DENND4A: variants seen among roughly 807,000 people sequenced by gnomAD.
DENND4A encodes DENN domain containing 4A.
A neutral mutation model predicts 199.3 loss-of-function variants in DENND4A; 70 were observed. The ratio of observed to expected loss-of-function variants is 0.35; its 90% CI spans 0.29 to 0.43. The LOEUF (loss-of-function observed/expected upper bound fraction) is 0.43. Among genes scored for constraint, DENND4A ranks in the 20% least tolerant of loss-of-function variants. The probability of loss-of-function intolerance (pLI) is 1.00; values close to 1 mark genes in which losing one functional copy is unlikely to be tolerated. For missense variants in DENND4A, 1,723 were observed against 2,255.8 expected, an observed-to-expected ratio of 0.76 and a Z score of 4.78; for synonymous variants, 686 against 766.9, an observed-to-expected ratio of 0.89 and a Z score of 1.74.
rs745730918 is a variant in DENND4A, at chr15:65,738,839, G to A, written c.668C>T (p.Ser223Leu). ...ICRYPQEDYE[S>L]FSLPESVPLF... is the part of the protein sequence containing the mutation. ...AGGAACAGATTCCGGTAGTGAGAAT[G>A]ACTCATAATCTTCTTGAGGATATCT... The change falls in exon 6 of 33, where the codon TCA (serine) becomes TTA (leucine). Residue 223 changes from serine (S) to leucine (L), a missense_variant. Physicochemically the swap from Ser to Leu is moderately radical, Grantham distance 145. Around this residue, in one of 6 missense-constraint regions of DENND4A, gnomAD observed 725 missense variants for 952.9 expected, o/e 0.76. Transcript: ENST00000443035. 21 of 1,607,012 alleles carry A rather than the reference G, an allele frequency of 1.3e-5. No individual in the cohort carries two copies. The highest frequency in any genetic ancestry group is 1.7e-5 in the Non-Finnish European group (20 of 1,177,342).
chr15:65,773,930 A>G (rs192733040), intron 1 of DENND4A, among the ~76,000 whole-genome samples: 9 of 152,166 alleles, frequency 5.9e-5, no homozygotes, highest in South Asian at 2.1e-4. Flanking sequence ...TGAGTGGATA[A>G]AGGAATTGAA....
intron 11 of DENND4A, chr15:65,727,796 A>T (rs2075847105): frequency 1.0e-5 from 4 of 388,384 alleles, no homozygotes; most frequent in African/African-American, 4.3e-5. Flanking sequence ...GATTAAATTT[A>T]AAATAAGGGA....
chr15:65,764,270 G>GA (rs2076925485), intron 1 of DENND4A, among the ~76,000 whole-genome samples: 1 of 152,120 alleles, frequency 6.6e-6, no homozygotes, highest in African/African-American at 2.4e-5. Context: ...GGTCAAGGCA[G>GA]AAAAATCACT....
At chr15:65,756,546 GAACAA>G (rs2076705484) in intron 2 of DENND4A, 74 bp from the exon 3 acceptor site, 1 of 1,148,004 alleles carries the variant, frequency 8.7e-7, no homozygotes, top group African/African-American at 1.6e-5. Flanking sequence ...GTGCAAATAA[GAACAA>G]AAAACTACAA....
intron 20 of DENND4A, among the ~76,000 whole-genome samples, chr15:65,698,995 C>T (rs1043947262): frequency 8.6e-5 from 13 of 151,970 alleles, no homozygotes; most frequent in Non-Finnish European, 1.6e-4. Flanking sequence ...GCCTTGGCCT[C>T]CCAAAATGCT....
rs777499447 is a variant in DENND4A, at chr15:65,752,442, G to T, written c.498C>A (p.Pro166=). Residue 166 remains proline, a synonymous_variant, in exon 4 of 33, where the codon CCC becomes CCA. Coordinates refer to ENST00000443035, the MANE Select transcript of DENND4A (RefSeq NM_001320835.1). ...TGTGTGGTGGGCTTTCTCCTTTACTGGGTATAATAATACATATGTCAGTGA... is the reference window on the plus strand; with the variant it reads ...TGTGTGGTGGGCTTTCTCCTTTACTTGGTATAATAATACATATGTCAGTGA... ...LAVTDICIII[P]SKGESPPHTF... is the part of the protein sequence containing the mutation. 6.2e-7 allele frequency: 1 copy of T among 1,613,594 alleles called. No homozygotes were observed. Among genetic ancestry groups the T allele is most frequent in the Non-Finnish European group, 8.5e-7 (1 of 1,179,762 alleles).
intron 2 of DENND4A, among the ~76,000 whole-genome samples, chr15:65,760,088 A>G (rs2076814059): frequency 6.6e-6 from 1 of 152,238 alleles, no homozygotes; most frequent in South Asian, 2.1e-4. Flanking sequence ...ATTTTATATT[A>G]TAAGCTCTAA....
intron 2 of DENND4A, among the ~76,000 whole-genome samples, chr15:65,760,899 G>A (rs1215930748): frequency 6.6e-6 from 1 of 151,938 alleles, no homozygotes; most frequent in Non-Finnish European, 1.5e-5. Context: ...CAAAAAAAAA[G>A]CGGAAACAGA....
intron 23 of DENND4A, among the ~76,000 whole-genome samples, chr15:65,685,487 T>A (rs2076744105): frequency 6.6e-6 from 1 of 152,226 alleles, no homozygotes; most frequent in South Asian, 2.1e-4. Flanking sequence ...AATGCTTGTA[T>A]ATAAGTTGAG....
chr15:65,790,848 C>A (rs2077697991), intron 1 of DENND4A, among the ~76,000 whole-genome samples: 1 of 152,114 alleles, frequency 6.6e-6, no homozygotes, highest in Admixed American at 6.5e-5. Flanking sequence ...AATCTTAGGT[C>A]CCCCAGAATA....
chr15:65,761,976 C>T (rs916577757), intron 1 of DENND4A, among the ~76,000 whole-genome samples: 5 of 152,156 alleles, frequency 3.3e-5, no homozygotes, highest in Non-Finnish European at 1.5e-5. Flanking sequence ...CACATCCATA[C>T]CATGGATTGA....
At position 65,706,141 on chromosome 15, in the gene DENND4A, T is replaced by A; in HGVS notation, c.2037A>T (p.Pro679=). The A allele has an allele frequency of 6.2e-7, 1 of 1,608,094 alleles. No homozygotes were observed. The highest frequency in any genetic ancestry group is 8.5e-7 in the Non-Finnish European group (1 of 1,177,328). ...FKSEHTVFVT[P]PEIPHLPNGE... The stretch of plus-strand genomic sequence containing the variant: ...CATTGGGTAGGTGGGGGATCTCAGG[T>A]GGTGTTACAAAAACAGTGTGTTCAC... The change falls in exon 15 of 33, where the codon CCA becomes CCT. Residue 679 remains proline, a synonymous_variant. Coordinates refer to ENST00000443035, the MANE Select transcript of DENND4A (RefSeq NM_001320835.1).
chr15:65,727,889 T>C (rs539903314), intron 11 of DENND4A: 8 of 341,924 alleles, frequency 2.3e-5, no homozygotes, highest in South Asian at 1.2e-4. Context: ...TGCAAAGAAA[T>C]GAAAACATAA....
rs1393563228 is a variant in DENND4A, at chr15:65,659,785, C to G, written c.*2066G>C. ...ATACAACCCTCTCCAAAAGCAGAAA[C>G]AAAACTTGGGGTGGAAAGAGGAGGT... On this transcript the variant is annotated 3_prime_UTR_variant, in exon 33 of 33. Coordinates refer to ENST00000443035, the MANE Select transcript of DENND4A (RefSeq NM_001320835.1). 1 of 153,434 alleles carries G rather than the reference C, an allele frequency of 6.5e-6. No homozygotes were observed. The highest frequency in any genetic ancestry group is 1.9e-4 in the East Asian group (1 of 5,212). The allele number at this position is 153,434 out of a possible 1,614,324, so 9.5% of individuals were successfully genotyped here.
chr15:65,769,530 C>G (rs550784293), intron 1 of DENND4A, among the ~76,000 whole-genome samples: 1 of 152,054 alleles, frequency 6.6e-6, no homozygotes. Flanking sequence ...CGCAAATAAG[C>G]TCATGGCTTG....
chr15:65,737,619 T>C, intron 7 of DENND4A, 88 bp downstream of exon 7: 1 of 1,283,352 alleles, frequency 7.8e-7, no homozygotes, highest in East Asian at 2.5e-5. Flanking sequence ...AAATCTAGTA[T>C]CCATATAAAA....
intron 23 of DENND4A, among the ~76,000 whole-genome samples, chr15:65,687,099 C>CT (rs2142035793): frequency 6.6e-6 from 1 of 152,262 alleles, no homozygotes; most frequent in African/African-American, 2.4e-5. Flanking sequence ...TTCTTGGCCT[C>CT]TTTAAGATTT....
At chr15:65,711,835 T>C (rs991027629) in intron 14 of DENND4A, among the ~76,000 whole-genome samples, 1 of 152,142 alleles carries the variant, frequency 6.6e-6, no homozygotes, top group Non-Finnish European at 1.5e-5. Context: ...TTGTTGTTGG[T>C]TTTTGTTTAG....
At chr15:65,735,707 T>C (rs537464924) in intron 7 of DENND4A, among the ~76,000 whole-genome samples, 2 of 152,330 alleles carry the variant, frequency 1.3e-5, no homozygotes, top group South Asian at 2.1e-4. Context: ...AGAAGCACAA[T>C]GGTTGTCTTG....
Sources: gnomAD v4.1 joint callset for allele counts (sites outside exome capture counted in the v4.1 genomes callset) on GRCh38, gnomAD v4.1.1 for gene constraint, gnomAD v4.1.1 regional missense constraint, MANE v1.5 for transcripts, NCBI Gene and HGNC (gene_info 2026-07-23, HGNC 2026-07-21) for gene names.